SIRPB1: variants seen among roughly 807,000 people sequenced by gnomAD.
The protein encoded by SIRPB1 is signal-regulatory protein beta-1.
Under a neutral mutation model 34.1 loss-of-function variants are expected in SIRPB1, and 28 were observed. That is an observed-to-expected ratio of 0.82 (90% CI 0.61 to 1.12). The LOEUF is 1.12. SIRPB1 is among the 50% of genes most tolerant of loss of function. The pLI is 0.00. For synonymous variants in SIRPB1, 211 were observed against 203.8 expected, an observed-to-expected ratio of 1.04 and a Z score of -0.30; for missense variants, 499 against 507.0, an observed-to-expected ratio of 0.98 and a Z score of 0.15.
chr20:1,584,027 C>T lies in SIRPB1; in HGVS notation c.77-5333G>A, dbSNP rs1317321486. Among the ~76,000 whole-genome samples the T allele has an allele frequency of 4.1e-5, 2 of 48,690 alleles. 1 individual carries two copies. Among genetic ancestry groups the T allele is most frequent in the Non-Finnish European group, 7.9e-5 (2 of 25,336 alleles). 31.9% of individuals were successfully genotyped at this position (48,690 alleles called of 152,430 possible). On this transcript the variant is annotated intron_variant, in intron 1 of 5. Transcript: ENST00000381605. ...AGAAAGAGGGACAAAAACCATATGA[C>T]CTTACAACACAGGCAAAGAAAGCAT...
chr20:1,578,622 G>C lies in SIRPB1; in HGVS notation c.149C>G (p.Ala50Gly). The change falls in exon 2 of 6, where the codon GCC (alanine) becomes GGC (glycine). Residue 50 changes from alanine to glycine, a missense_variant. Ala to Gly is a moderately conservative substitution (Grantham distance 60). Coordinates refer to ENST00000381605, the MANE Select transcript of SIRPB1 (RefSeq NM_006065.5). Reference protein sequence around the residue: ...KSVSVAAGESATLRCAMTSLI... With the variant: ...KSVSVAAGESGTLRCAMTSLI... Reference sequence around the variant, plus strand: ...GGACGTCATAGCACAGCGCAGAGTGGCCGACTCTCCAGCTGCAACTGATAC... The same window carrying C: ...GGACGTCATAGCACAGCGCAGAGTGCCCGACTCTCCAGCTGCAACTGATAC... 6.3e-7 allele frequency: 1 copy of C among 1,584,206 alleles called. No individual in the cohort carries two copies. Among genetic ancestry groups the C allele is most frequent in the Non-Finnish European group, 8.6e-7 (1 of 1,157,658 alleles).
chr20:1,571,637 C>G (rs1222236252), intron 3 of SIRPB1, 83 bp downstream of exon 3: 1 of 1,590,148 alleles, frequency 6.3e-7, no homozygotes, highest in Admixed American at 1.7e-5. Context: ...AGATTCCAGG[C>G]CTTTCAAGCT....
In SIRPB1 at chr20:1,578,365, C is replaced by T. The variant is rs1167967711; in HGVS notation, c.406G>A (p.Gly136Arg). The change falls in exon 2 of 6, where the codon GGA (glycine) becomes AGA (arginine). Residue 136 changes from glycine to arginine, a missense_variant. Physicochemically the swap from Gly to Arg is moderately radical, Grantham distance 125. Transcript: ENST00000381605. ...CGCACAGACAGCTCAGTGCCTGCTC[C>T]AGACTTAAACTCCACGTCGTCAGGG... Reference protein sequence around the residue: ...GSPDDVEFKSGAGTELSVRAK... With the variant: ...GSPDDVEFKSRAGTELSVRAK... 2.5e-6 allele frequency: 4 copies of T among 1,587,204 alleles called. No individual in the cohort carries two copies. Among genetic ancestry groups the T allele is most frequent in the South Asian group, 2.2e-5 (2 of 90,550 alleles).
Position 1,603,734 on chromosome 20 carries a change from G to A in SIRPB1, c.76+16135C>T. 7.4e-6 allele frequency: 3 copies of A among 404,034 alleles called. 1 individual carries two copies. Among genetic ancestry groups the A allele is most frequent in the Non-Finnish European group, 1.0e-5 (3 of 292,750 alleles). 25.0% of individuals were successfully genotyped at this position (404,034 alleles called of 1,614,324 possible). On this transcript the variant is annotated intron_variant, in intron 1 of 5. Coordinates refer to ENST00000381605, the MANE Select transcript of SIRPB1 (RefSeq NM_006065.5). ...TCTACTTTATACTTATAGACTTCTA[G>A]CTTATTTTATGACAAACATAAATAA... is the stretch of plus-strand genomic sequence containing the variant.
chr20:1,572,710 C>T (rs1356966089), intron 2 of SIRPB1, among the ~76,000 whole-genome samples: 1 of 151,674 alleles, frequency 6.6e-6, no homozygotes, highest in African/African-American at 2.4e-5. Flanking sequence ...AAATATGAAA[C>T]ATTCCGTATT....
intron 1 of SIRPB1, among the ~76,000 whole-genome samples, chr20:1,581,397 T>C (rs2746608): frequency 0.03 from 1,453 of 48,122 alleles, 683 homozygotes; most frequent in African/African-American, 0.2. Context: ...TCTTCTTGTC[T>C]TCCCCTACTG....
chr20:1,617,195 A>T (rs553466998), intron 1 of SIRPB1, among the ~76,000 whole-genome samples: 2 of 152,210 alleles, frequency 1.3e-5, no homozygotes, highest in Non-Finnish European at 2.9e-5. Context: ...TTGGGCATAC[A>T]TCCAAAGGAA....
chr20:1,617,514 T>C (rs1271440345), intron 1 of SIRPB1, among the ~76,000 whole-genome samples: 1 of 152,196 alleles, frequency 6.6e-6, no homozygotes, highest in Non-Finnish European at 1.5e-5. Context: ...AGTAGAATAT[T>C]GGTTACCAGG....
rs2091483650 is a variant in SIRPB1, at chr20:1,603,173, G to C, written c.76+16696C>G. ...AACAATATCCCCCATTGCTTCCCAA[G>C]TCCTGGTTTCCCCTTCTGTAAAACT... On this transcript the variant is annotated intron_variant, in intron 1 of 5. Coordinates refer to ENST00000381605, the MANE Select transcript of SIRPB1 (RefSeq NM_006065.5). 1.2e-5 allele frequency: 2 copies of C among 164,984 alleles called. 1 individual carries two copies. The highest frequency in any genetic ancestry group is 2.3e-5 in the Non-Finnish European group (2 of 85,538). 10.2% of individuals were successfully genotyped at this position (164,984 alleles called of 1,614,324 possible). A position where few individuals can be genotyped will look rare whatever the true frequency, so the allele number is the denominator to read the frequency against.
In SIRPB1 at chr20:1,604,185, C is replaced by A; in HGVS notation, c.76+15684G>T. 3.5e-6 allele frequency: 2 copies of A among 575,866 alleles called. 1 individual carries two copies. The highest frequency in any genetic ancestry group is 6.3e-5 in the Admixed American group (2 of 31,718). 35.7% of individuals were successfully genotyped at this position (575,866 alleles called of 1,614,324 possible). A position where few individuals can be genotyped will look rare whatever the true frequency, so the allele number is the denominator to read the frequency against. On this transcript the variant is annotated intron_variant, in intron 1 of 5. Coordinates refer to ENST00000381605, the MANE Select transcript of SIRPB1 (RefSeq NM_006065.5). ...AGAAGCTCTGACCTTGTGGCACAGA[C>A]AGATCCAGGGAGGGCTCCATAACGT...
chr20:1,571,884 T>C lies in SIRPB1; in HGVS notation c.587A>G (p.Asn196Ser), dbSNP rs1568684823. 2 of 1,614,218 alleles carry C rather than the reference T, an allele frequency of 1.2e-6. No individual in the cohort carries two copies. Among genetic ancestry groups the C allele is most frequent in the Non-Finnish European group, 1.7e-6 (2 of 1,180,030 alleles). ...NGNELSDFQTNVDPAGDSVSY... is the reference protein window; with the variant it reads ...NGNELSDFQTSVDPAGDSVSY... ...CACACTGTCTCCTGCGGGGTCCACGTTGGTCTGGAAGTCTGAGAGCTCATT... is the reference window on the plus strand; with the variant it reads ...CACACTGTCTCCTGCGGGGTCCACGCTGGTCTGGAAGTCTGAGAGCTCATT... The change falls in exon 3 of 6, where the codon AAC (asparagine) becomes AGC (serine). Residue 196 changes from asparagine to serine, a missense_variant. Physicochemically the swap from Asn to Ser is conservative, Grantham distance 46. Transcript: ENST00000381605.
intron 1 of SIRPB1, among the ~76,000 whole-genome samples, chr20:1,614,092 A>G (rs1415766339): frequency 6.6e-6 from 1 of 152,230 alleles, no homozygotes; most frequent in Non-Finnish European, 1.5e-5. Context: ...GAGGGATGGT[A>G]AGTTCAAAAT....
rs1298764096 is a variant in SIRPB1 at position 1,562,189 on chromosome 20, T to A, written c.*3311A>T. Among the ~76,000 whole-genome samples, 1 of 152,174 alleles carries A rather than the reference T, an allele frequency of 6.6e-6. No individual in the cohort carries two copies. Among genetic ancestry groups the A allele is most frequent in the Non-Finnish European group, 1.5e-5 (1 of 68,014 alleles). ...CTTTTTTTTCTTGTTAGCACTTTCT[T>A]ACTTTCTAGAGGATGTTGAATTTTT... On this transcript the variant is annotated 3_prime_UTR_variant, in exon 6 of 6. Coordinates refer to ENST00000381605, the MANE Select transcript of SIRPB1 (RefSeq NM_006065.5).
intron 4 of SIRPB1, among the ~76,000 whole-genome samples, chr20:1,567,315 C>T (rs546088528): frequency 2.6e-5 from 4 of 152,220 alleles, no homozygotes; most frequent in Non-Finnish European, 5.9e-5. Flanking sequence ...ATATGAAGGG[C>T]CAGCCCTTCC....
intron 3 of SIRPB1, 113 bp downstream of exon 3, chr20:1,571,606 TG>T: frequency 6.8e-7 from 1 of 1,481,014 alleles, no homozygotes; most frequent in Non-Finnish European, 9.2e-7. Context: ...GCATGGGAGG[TG>T]GACAACACAG....
Position 1,601,769 on chromosome 20 carries a change from G to A in SIRPB1, c.76+18100C>T, listed in dbSNP as rs1402451774. On this transcript the variant is annotated intron_variant, in intron 1 of 5. Coordinates refer to ENST00000381605, the MANE Select transcript of SIRPB1 (RefSeq NM_006065.5). ...TAGATGGTGCAGATTCATCTCTTCCGGCTCCTCCTTGAGAAGTACAACTAA... is the reference window on the plus strand; with the variant it reads ...TAGATGGTGCAGATTCATCTCTTCCAGCTCCTCCTTGAGAAGTACAACTAA... Among the ~76,000 whole-genome samples the A allele has an allele frequency of 4.1e-5, 2 of 48,452 alleles. 1 individual carries two copies. Among genetic ancestry groups the A allele is most frequent in the Non-Finnish European group, 7.9e-5 (2 of 25,354 alleles). The allele number at this position is 48,452 out of a possible 152,430, so 31.8% of individuals were successfully genotyped here.
intron 1 of SIRPB1, among the ~76,000 whole-genome samples, chr20:1,618,795 T>C (rs1253905464): frequency 1.3e-5 from 2 of 152,116 alleles, no homozygotes; most frequent in Admixed American, 1.3e-4. Flanking sequence ...GGAAAGGCCC[T>C]CCAATCCTGC....
intron 4 of SIRPB1, among the ~76,000 whole-genome samples, chr20:1,567,088 TAA>T (rs75930333): frequency 1.2e-4 from 18 of 149,374 alleles, no homozygotes; most frequent in Non-Finnish European, 2.1e-4. Context: ...ACAAAGGTAT[TAA>T]AAAAAATTTT....
At chr20:1,567,877 T>C in intron 4 of SIRPB1, among the ~76,000 whole-genome samples, 1 of 152,240 alleles carries the variant, frequency 6.6e-6, no homozygotes, top group Non-Finnish European at 1.5e-5. Flanking sequence ...GCCAGAGGAC[T>C]TCTTGGCAGC....
Sources: allele counts gnomAD v4.1 joint callset (sites outside exome capture counted in the v4.1 genomes callset), GRCh38; gene constraint gnomAD v4.1.1; transcripts MANE v1.5; gene names NCBI Gene and HGNC (gene_info 2026-07-23, HGNC 2026-07-21).